The following RANBP3L variants were observed in gnomAD, a reference collection of about 807,000 sequenced individuals.
RANBP3L encodes the protein ran-binding protein 3-like.
Under a neutral mutation model 67.2 loss-of-function variants are expected in RANBP3L, and 56 were observed. The ratio of observed to expected loss-of-function variants is 0.83; its 90% CI spans 0.67 to 1.04. RANBP3L has a LOEUF of 1.04. RANBP3L is among the 50% of genes least tolerant of loss of function. The pLI, the probability that RANBP3L is intolerant of heterozygous loss-of-function variation, is 0.00. For synonymous variants in RANBP3L, 164 were observed against 181.4 expected, an observed-to-expected ratio of 0.90 and a Z score of 0.77; for missense variants, 496 against 535.5, an observed-to-expected ratio of 0.93 and a Z score of 0.73.
intron 4 of RANBP3L, among the ~76,000 whole-genome samples, chr5:36,267,745 A>C (rs1045451830): frequency 6.6e-6 from 1 of 152,220 alleles, no homozygotes; most frequent in Admixed American, 6.5e-5. Context: ...ACTAAGCAAA[A>C]CATTATAAAT....
rs1749083127 is a variant in RANBP3L, at chr5:36,257,563, G to C, written c.670-7C>G. 1.5e-6 allele frequency: 2 copies of C among 1,347,372 alleles called. No homozygotes were observed. Among genetic ancestry groups the C allele is most frequent in the Non-Finnish European group, 2.1e-6 (2 of 965,312 alleles). 83.5% of individuals were successfully genotyped at this position (1,347,372 alleles called of 1,614,324 possible). On this transcript the variant is annotated splice_polypyrimidine_tract_variant and splice_region_variant and intron_variant, in intron 8 of 13. Coordinates refer to ENST00000296604, the MANE Select transcript of RANBP3L (RefSeq NM_145000.5). ...GGGTGAGTTTTTGAGTACCCTGAGA[G>C]CGGAAAAAGATGCATTATTTTATTT...
At chr5:36,286,961 T>C (rs12697356) in intron 1 of RANBP3L, among the ~76,000 whole-genome samples, 145,015 of 152,172 alleles carry the variant, frequency 0.95, 69,396 homozygotes, top group Non-Finnish European at 0.99. Context: ...TTTCCATAAT[T>C]CCTATCTTCA....
At position 36,301,510 on chromosome 5, in the gene RANBP3L, A is replaced by T; in HGVS notation, c.-94T>A. The T allele has an allele frequency of 1.2e-6, 1 of 828,016 alleles. No individual in the cohort carries two copies. Among genetic ancestry groups the T allele is most frequent in the South Asian group, 1.4e-5 (1 of 71,526 alleles). 51.3% of individuals were successfully genotyped at this position (828,016 alleles called of 1,614,324 possible). On this transcript the variant is annotated 5_prime_UTR_variant, in exon 1 of 14. It introduces an in-frame stop codon into an upstream open reading frame of the 5' UTR. Transcript: ENST00000296604. ...TGGCCTTCACCAGACACCCAGAAAT[A>T]CATAGATTCATGCAGATCTTGTCTT...
chr5:36,268,153 A>G (rs1268644525), intron 4 of RANBP3L: 2 of 1,268,596 alleles, frequency 1.6e-6, no homozygotes, highest in Admixed American at 5.8e-5. Flanking sequence ...GATTTTGAAA[A>G]GTCAGTGTCA....
chr5:36,276,482 G>A (rs1750574916), intron 1 of RANBP3L, among the ~76,000 whole-genome samples: 1 of 121,964 alleles, frequency 8.2e-6, no homozygotes, highest in South Asian at 2.2e-4. Flanking sequence ...TTTATCATAG[G>A]TATGTATAGG....
At chr5:36,281,686 C>T (rs1750985276) in intron 1 of RANBP3L, among the ~76,000 whole-genome samples, 1 of 152,134 alleles carries the variant, frequency 6.6e-6, no homozygotes, top group Non-Finnish European at 1.5e-5. Context: ...CAAGATGCTT[C>T]TGTTATTCTT....
chr5:36,253,804 T>G lies in RANBP3L; in HGVS notation c.1025-15A>C, dbSNP rs1173516914. 1 of 1,611,502 alleles carries G rather than the reference T, an allele frequency of 6.2e-7. No individual in the cohort carries two copies. The highest frequency in any genetic ancestry group is 1.7e-5 in the Admixed American group (1 of 59,720). ...ATTGCGCATAACTAAAATAGGAAGG[T>G]GACTACATCAGGCCACAGAACAGTT... On this transcript the variant is annotated splice_polypyrimidine_tract_variant and intron_variant, in intron 11 of 13. Transcript: ENST00000296604.
chr5:36,281,624 C>T lies in RANBP3L; in HGVS notation c.92-10313G>A, dbSNP rs1030010462. 2.6e-5 allele frequency among the ~76,000 whole-genome samples: 4 copies of T among 152,082 alleles called. No individual in the cohort carries two copies. The East Asian group carries it at 7.7e-4, about 29-fold the overall frequency. On this transcript the variant is annotated intron_variant, in intron 1 of 13. Transcript: ENST00000296604. Reference sequence around the variant, plus strand: ...GTATAAACCTGGTTGGGACATGATCCTATATTGTGTGAGTCTTCCTGCACT... The same window carrying T: ...GTATAAACCTGGTTGGGACATGATCTTATATTGTGTGAGTCTTCCTGCACT...
chr5:36,272,675 T>C (rs1750303434), intron 1 of RANBP3L, among the ~76,000 whole-genome samples: 1 of 152,182 alleles, frequency 6.6e-6, no homozygotes, highest in Non-Finnish European at 1.5e-5. Context: ...CTTGCTCTTG[T>C]TGCCGAGGCT....
At chr5:36,268,773 A>G (rs899132669) in intron 4 of RANBP3L, among the ~76,000 whole-genome samples, 2 of 151,762 alleles carry the variant, frequency 1.3e-5, no homozygotes, top group Admixed American at 6.6e-5. Context: ...CGGTGGAGCA[A>G]TCTCGGCTCA....
chr5:36,289,909 AG>A (rs1169858485), intron 1 of RANBP3L, among the ~76,000 whole-genome samples: 4 of 152,018 alleles, frequency 2.6e-5, no homozygotes, highest in Non-Finnish European at 4.4e-5. Flanking sequence ...TAGGATCTCC[AG>A]TACACTGTTG....
At chr5:36,264,342 A>G (rs1749603103) in intron 6 of RANBP3L, among the ~76,000 whole-genome samples, 1 of 152,224 alleles carries the variant, frequency 6.6e-6, no homozygotes, top group Non-Finnish European at 1.5e-5. Context: ...GCTGGAAGAC[A>G]GGTAGCACTA....
At chr5:36,270,686 T>C (rs1238435646) in intron 2 of RANBP3L, among the ~76,000 whole-genome samples, 1 of 152,100 alleles carries the variant, frequency 6.6e-6, no homozygotes, top group East Asian at 1.9e-4. Context: ...TTTGTAGAGA[T>C]GGGGTCTTGC....
Position 36,268,778 on chromosome 5 carries a change from G to A in RANBP3L, c.268+612C>T, listed in dbSNP as rs563073187. 4.0e-5 allele frequency among the ~76,000 whole-genome samples: 6 copies of A among 151,094 alleles called. No homozygotes were observed. The East Asian group carries it at 7.8e-4, about 20-fold the overall frequency. On this transcript the variant is annotated intron_variant, in intron 4 of 13. Transcript: ENST00000296604. The stretch of plus-strand genomic sequence containing the variant: ...ACCTGGAGTGCGGTGGAGCAATCTC[G>A]GCTCACTGCAGCCTCCGCCTCCCAG...
rs1749422454 is a variant in RANBP3L, at chr5:36,261,957, A to G, written c.566T>C (p.Leu189Ser). The stretch of plus-strand genomic sequence containing the variant: ...AACTTACCCTACTGATGTTGCACCT[A>G]AAAAGTCCTGGTTAGTAGACAGCTG... Reference protein sequence around the residue: ...SVQLSTNQDFLGATSVGCQPN... With the variant: ...SVQLSTNQDFSGATSVGCQPN... The change falls in exon 7 of 14, where the codon TTA becomes TCA. Residue 189 changes from leucine (L) to serine (S), a missense_variant. By Grantham distance (145) the Leu-to-Ser change is moderately radical (BLOSUM62 -2). Transcript: ENST00000296604. 7 of 1,574,882 alleles carry G rather than the reference A, an allele frequency of 4.4e-6. No individual in the cohort carries two copies. The East Asian group carries it at 9.0e-5, about 20-fold the overall frequency.
chr5:36,277,649 T>A (rs752782794), intron 1 of RANBP3L, among the ~76,000 whole-genome samples: 1 of 152,050 alleles, frequency 6.6e-6, no homozygotes, highest in Non-Finnish European at 1.5e-5. Flanking sequence ...TATCCACACA[T>A]ACATAAACAT....
intron 1 of RANBP3L, among the ~76,000 whole-genome samples, chr5:36,279,895 C>T (rs1320080468): frequency 6.6e-6 from 1 of 152,044 alleles, no homozygotes; most frequent in Non-Finnish European, 1.5e-5. Flanking sequence ...GAAAGTTATT[C>T]CTCTTTTCTC....
intron 11 of RANBP3L, 90 bp from the exon 12 acceptor site, chr5:36,253,879 T>C: frequency 1.6e-6 from 2 of 1,282,236 alleles, no homozygotes; most frequent in Admixed American, 4.6e-5. Flanking sequence ...CTTGTAGTTG[T>C]TTTTCAGACT....
chr5:36,261,717 T>C (rs1862544), intron 7 of RANBP3L, among the ~76,000 whole-genome samples: 130,907 of 152,190 alleles, frequency 0.86, 57,890 homozygotes, highest in Non-Finnish European at 0.97. Context: ...TCACCCAAGT[T>C]AATGAAACAA....
Sources: gnomAD v4.1 joint callset for allele counts (sites outside exome capture counted in the v4.1 genomes callset) on GRCh38, gnomAD v4.1.1 for gene constraint, MANE v1.5 for transcripts, NCBI Gene and HGNC (gene_info 2026-07-23, HGNC 2026-07-21) for gene names.